The following TOLLIP variants were observed in gnomAD, a reference collection of about 807,000 sequenced individuals.
TOLLIP encodes the protein toll interacting protein.
Under a neutral mutation model 33.5 loss-of-function variants are expected in TOLLIP, and 16 were observed. That is an observed-to-expected ratio of 0.48 (90% CI 0.32 to 0.72). TOLLIP has a LOEUF of 0.72. Ranked by LOEUF, TOLLIP falls within the 30% of genes least tolerant of loss-of-function variation. TOLLIP has a pLI of 0.03. For synonymous variants in TOLLIP, 176 were observed against 163.7 expected (o/e 1.07, Z -0.57); for missense variants, 325 against 396.6 (o/e 0.82, Z 1.53).
chr11:1,285,929 C>T, intron 5 of TOLLIP, 73 bp downstream of exon 5: 2 of 1,261,356 alleles, frequency 1.6e-6, no homozygotes, highest in Non-Finnish European at 2.2e-6. Context: ...AGCCCCGTTC[C>T]CTCCTCCCGC....
At chr11:1,301,681 C>G (rs1437833061) in intron 1 of TOLLIP, among the ~76,000 whole-genome samples, 3 of 152,154 alleles carry the variant, frequency 2.0e-5, no homozygotes, top group Admixed American at 6.5e-5. Flanking sequence ...CCCACGGAGG[C>G]CCCAACACAG....
In TOLLIP at chr11:1,309,489, T is replaced by C; in HGVS notation, c.10A>G (p.Thr4Ala). The change falls in exon 1 of 6, where the codon ACC becomes GCC. Residue 4 changes from threonine (T) to alanine (A), a missense_variant. Physicochemically the swap from Thr to Ala is moderately conservative, Grantham distance 58. Coordinates refer to ENST00000317204, the MANE Select transcript of TOLLIP (RefSeq NM_019009.4). ...ACCGGCCCGCGCTGAGTGCTGACGG[T>C]GGTCGCCATGGTGCTGCGGCGGCCC... Reference protein sequence around the residue: MATTVSTQRGPVYI... With the variant: MATAVSTQRGPVYI... 7.5e-7 allele frequency: 1 copy of C among 1,337,604 alleles called. No individual in the cohort carries two copies. The highest frequency in any genetic ancestry group is 9.6e-7 in the Non-Finnish European group (1 of 1,037,972). 82.9% of individuals were successfully genotyped at this position (1,337,604 alleles called of 1,614,324 possible). A position where few individuals can be genotyped will look rare whatever the true frequency, so the allele number is the denominator to read the frequency against.
rs527839476 is a variant in TOLLIP at position 1,303,356 on chromosome 11, C to T, written c.33+6110G>A. Among the ~76,000 whole-genome samples the T allele has an allele frequency of 1.3e-5, 2 of 152,206 alleles. No homozygotes were observed. The highest frequency in any genetic ancestry group is 2.1e-4 in the South Asian group (1 of 4,826). ...AGATCCAGAGAGGGACGGCATGTGA[C>T]GTGGCAGGCCCTGGGCGCCGGGCAC... On this transcript the variant is annotated intron_variant, in intron 1 of 5. Transcript: ENST00000317204. This position sits in a 1 kb window ranked among gnomAD's most constrained non-coding sequence, Gnocchi z 4.2.
At chr11:1,307,256 C>T (rs552618102) in intron 1 of TOLLIP, among the ~76,000 whole-genome samples, 4 of 152,328 alleles carry the variant, frequency 2.6e-5, no homozygotes, top group Non-Finnish European at 5.9e-5. Flanking sequence ...ATGCGTTTAC[C>T]GGTCAACGGG....
At chr11:1,292,555 A>T (rs1313267019) in intron 2 of TOLLIP, among the ~76,000 whole-genome samples, 1 of 152,194 alleles carries the variant, frequency 6.6e-6, no homozygotes, top group African/African-American at 2.4e-5. Flanking sequence ...GCGTCCTGTG[A>T]CATCAACTGC....
At chr11:1,295,541 C>A in intron 2 of TOLLIP, 104 bp downstream of exon 2, 1 of 1,344,596 alleles carries the variant, frequency 7.4e-7, no homozygotes, top group African/African-American at 1.4e-5. Flanking sequence ...ATCAGAAGTT[C>A]TGTTTGCCCG....
Position 1,276,699 on chromosome 11 carries a change from C to T in TOLLIP, c.*340G>A. On this transcript the variant is annotated 3_prime_UTR_variant, in exon 6 of 6. Coordinates refer to ENST00000317204, the MANE Select transcript of TOLLIP (RefSeq NM_019009.4). ...ATGCCATGAATGGAATCGGAAGGCG[C>T]TCCACCACCTCCAACACCCTGGCAG... The T allele has an allele frequency of 7.1e-7, 1 of 1,413,476 alleles. No homozygotes were observed. Among genetic ancestry groups the T allele is most frequent in the Non-Finnish European group, 9.4e-7 (1 of 1,068,484 alleles). The allele number at this position is 1,413,476 out of a possible 1,614,324, so 87.6% of individuals were successfully genotyped here. A position where few individuals can be genotyped will look rare whatever the true frequency, so the allele number is the denominator to read the frequency against.
At chr11:1,293,080 G>A (rs888599756) in intron 2 of TOLLIP, among the ~76,000 whole-genome samples, 3 of 152,132 alleles carry the variant, frequency 2.0e-5, no homozygotes, top group Non-Finnish European at 4.4e-5. Context: ...GGCCTGGACG[G>A]GCTGAAGGTG....
chr11:1,286,317 G>A (rs770099049), intron 4 of TOLLIP, among the ~76,000 whole-genome samples: 10 of 152,178 alleles, frequency 6.6e-5, no homozygotes, highest in Non-Finnish European at 1.0e-4. Context: ...GACATGGCTC[G>A]GGCTTACAGA....
Position 1,276,303 on chromosome 11 carries a change from G to A in TOLLIP, c.*736C>T, listed in dbSNP as rs576578561. The A allele has an allele frequency of 1.4e-5, 3 of 219,736 alleles. No individual in the cohort carries two copies. The highest frequency in any genetic ancestry group is 5.2e-5 in the Admixed American group (1 of 19,164). 13.6% of individuals were successfully genotyped at this position (219,736 alleles called of 1,614,324 possible). A position where few individuals can be genotyped will look rare whatever the true frequency, so the allele number is the denominator to read the frequency against. ...CACGAGCGCAGCAGGAGAGACGGAC[G>A]GCAGCCTCCGGCGGGCGAAGGACCC... is the stretch of plus-strand genomic sequence containing the variant. On this transcript the variant is annotated 3_prime_UTR_variant, in exon 6 of 6. Transcript: ENST00000317204.
In TOLLIP at chr11:1,276,970, G is replaced by A; in HGVS notation, c.*69C>T. 1 of 1,591,274 alleles carries A rather than the reference G, an allele frequency of 6.3e-7. No individual in the cohort carries two copies. Among genetic ancestry groups the A allele is most frequent in the Non-Finnish European group, 8.6e-7 (1 of 1,165,668 alleles). ...CTTTCACGGGAATCTTGTTGGGACA[G>A]CATTCCTTGGGGAGCGCCGGGTCGG... On this transcript the variant is annotated 3_prime_UTR_variant, in exon 6 of 6. Transcript: ENST00000317204.
At chr11:1,296,781 C>T (rs1459686880) in intron 1 of TOLLIP, among the ~76,000 whole-genome samples, 1 of 103,318 alleles carries the variant, frequency 9.7e-6, no homozygotes, top group Non-Finnish European at 1.9e-5. Flanking sequence ...GGCCTGGTTG[C>T]TGGTGGAGTG....
At chr11:1,286,116 C>T (rs889508911) in intron 4 of TOLLIP, 24 bp from the exon 5 acceptor site, 7 of 1,560,628 alleles carry the variant, frequency 4.5e-6, no homozygotes, top group South Asian at 2.3e-5. Context: ...GAGATGGTCC[C>T]GGGGTCAAGG....
At position 1,274,925 on chromosome 11, in the gene TOLLIP, C is replaced by T. The variant is rs1260210431; in HGVS notation, c.*2114G>A. ...CTGGGGACCGCTCGGAGGGGCTCAG[C>T]AAGCTGCTTCTACAGTAAGCCACTT... is the stretch of plus-strand genomic sequence containing the variant. On this transcript the variant is annotated 3_prime_UTR_variant, in exon 6 of 6. Coordinates refer to ENST00000317204, the MANE Select transcript of TOLLIP (RefSeq NM_019009.4). 2 of 152,192 alleles carry T rather than the reference C, an allele frequency of 1.3e-5. No individual in the cohort carries two copies. The highest frequency in any genetic ancestry group is 4.8e-5 in the African/African-American group (2 of 41,432). The allele number at this position is 152,192 out of a possible 1,614,324, so 9.4% of individuals were successfully genotyped here. A position where few individuals can be genotyped will look rare whatever the true frequency, so the allele number is the denominator to read the frequency against.
chr11:1,297,818 C>T (rs5743930), intron 1 of TOLLIP, among the ~76,000 whole-genome samples: 2,687 of 152,346 alleles, frequency 0.018, 57 homozygotes, highest in African/African-American at 0.061. Flanking sequence ...TCTCTCGAGG[C>T]GCTGTACAGC....
intron 1 of TOLLIP, among the ~76,000 whole-genome samples, chr11:1,308,735 G>C (rs1448309985): frequency 1.3e-5 from 2 of 152,222 alleles, no homozygotes; most frequent in Non-Finnish European, 2.9e-5. Context: ...CACTAACCGG[G>C]GACACAATTG....
chr11:1,289,106 C>T (rs759838134), intron 3 of TOLLIP, among the ~76,000 whole-genome samples: 6 of 152,172 alleles, frequency 3.9e-5, no homozygotes, highest in Non-Finnish European at 8.8e-5. Context: ...CCCCAGCCCT[C>T]GGGGCCCCAT....
chr11:1,309,388 GAGC>G (rs1341011161), intron 1 of TOLLIP, 75 bp downstream of exon 1: 1 of 816,138 alleles, frequency 1.2e-6, no homozygotes, highest in African/African-American at 1.8e-5. Context: ...AGCCGCAGCT[GAGC>G]AGTAGCCCTG....
Position 1,276,738 on chromosome 11 carries a change from C to CT in TOLLIP, c.*300dup. On this transcript the variant is annotated 3_prime_UTR_variant, in exon 6 of 6. Coordinates refer to ENST00000317204, the MANE Select transcript of TOLLIP (RefSeq NM_019009.4). ...ACACCCTGGCAGAAGCAGCTGCTCT[C>CT]TACAGCAAGAGCATTTTCCAGAACG... 1.4e-6 allele frequency: 2 copies of CT among 1,464,370 alleles called. No individual in the cohort carries two copies. Among genetic ancestry groups the CT allele is most frequent in the Non-Finnish European group, 1.8e-6 (2 of 1,100,908 alleles). 90.7% of individuals were successfully genotyped at this position (1,464,370 alleles called of 1,614,324 possible).
Sources: gnomAD v4.1 joint callset for allele counts (sites outside exome capture counted in the v4.1 genomes callset) on GRCh38, gnomAD v4.1.1 for gene constraint, Gnocchi (gnomAD v3.1) non-coding constraint, MANE v1.5 for transcripts, NCBI Gene and HGNC (gene_info 2026-07-23, HGNC 2026-07-21) for gene names.